LRP1B: variants seen among roughly 807,000 people sequenced by gnomAD.
LRP1B encodes LDL receptor related protein 1B.
A neutral mutation model predicts 556.6 loss-of-function variants in LRP1B; 217 were observed. The ratio of observed to expected loss-of-function variants is 0.39; its 90% CI spans 0.35 to 0.44. The LOEUF is 0.44. LRP1B is among the 20% of genes least tolerant of loss of function. The probability of loss-of-function intolerance (pLI) is 1.00; values close to 1 mark genes in which losing one functional copy is unlikely to be tolerated. For synonymous variants in LRP1B, 2,047 were observed against 1,865.8 expected (o/e 1.10, Z -2.50); for missense variants, 5,053 against 5,620.8 (o/e 0.90, Z 3.23).
chr2:140,653,906 T>C (rs1036640850), intron 41 of LRP1B, among the ~76,000 whole-genome samples: 12 of 150,696 alleles, frequency 8.0e-5, no homozygotes, highest in Non-Finnish European at 1.3e-4. Flanking sequence ...GCGCCTGTAA[T>C]CCCAGCTACT....
At chr2:140,462,213 A>G (rs1417950656) in intron 60 of LRP1B, among the ~76,000 whole-genome samples, 4 of 152,166 alleles carry the variant, frequency 2.6e-5, no homozygotes, top group African/African-American at 7.2e-5. Flanking sequence ...CCATTATCCC[A>G]AGTAAAGGCT....
chr2:141,535,078 T>A (rs1685023656), intron 2 of LRP1B, among the ~76,000 whole-genome samples: 1 of 152,174 alleles, frequency 6.6e-6, no homozygotes, highest in Admixed American at 6.5e-5. Context: ...GGCTGTGCAC[T>A]TCCCAATCAC....
At chr2:141,468,295 C>G (rs998509278) in intron 3 of LRP1B, among the ~76,000 whole-genome samples, 4 of 152,120 alleles carry the variant, frequency 2.6e-5, no homozygotes, top group Non-Finnish European at 5.9e-5. Context: ...AAGAGCATGA[C>G]TAGTGCAAAC....
At chr2:140,892,283 C>T (rs1023706980) in intron 23 of LRP1B, among the ~76,000 whole-genome samples, 3 of 151,822 alleles carry the variant, frequency 2.0e-5, no homozygotes, top group South Asian at 2.1e-4. Flanking sequence ...CAGAGGTCAC[C>T]GTGGATGAAG....
chr2:141,195,455 T>C (rs557537999), intron 6 of LRP1B, among the ~76,000 whole-genome samples: 5 of 152,272 alleles, frequency 3.3e-5, no homozygotes, highest in Admixed American at 3.3e-4. Flanking sequence ...TCTTTGCTGT[T>C]TTTAAAGTCA....
chr2:140,288,670 C>CT (rs1011545952), intron 84 of LRP1B, among the ~76,000 whole-genome samples: 2 of 151,766 alleles, frequency 1.3e-5, no homozygotes, highest in African/African-American at 4.8e-5. Context: ...ATGCAGTTTA[C>CT]TTAACACCAA....
chr2:141,488,521 C>T (rs903011340), intron 2 of LRP1B, among the ~76,000 whole-genome samples: 8 of 152,060 alleles, frequency 5.3e-5, no homozygotes, highest in Non-Finnish European at 7.4e-5. Context: ...TCTTTTGGCA[C>T]GAAAACAGAT....
intron 1 of LRP1B, among the ~76,000 whole-genome samples, chr2:142,047,702 T>C (rs1021580993): frequency 2.0e-5 from 3 of 151,850 alleles, no homozygotes; most frequent in Non-Finnish European, 4.4e-5. Context: ...GGCCTATGGA[T>C]TGTGAGTGGA....
chr2:140,527,836 G>A (rs1032001837), intron 47 of LRP1B, among the ~76,000 whole-genome samples: 7 of 151,784 alleles, frequency 4.6e-5, no homozygotes, highest in Non-Finnish European at 7.4e-5. Context: ...TGGCTTCACT[G>A]TCTACTAGTA....
chr2:141,339,929 C>A (rs768781723), intron 3 of LRP1B, among the ~76,000 whole-genome samples: 2 of 152,152 alleles, frequency 1.3e-5, no homozygotes, highest in East Asian at 3.9e-4. Flanking sequence ...CTTTCACCCC[C>A]CTCCAAACCT....
intron 1 of LRP1B, among the ~76,000 whole-genome samples, chr2:141,840,701 A>G (rs1174499563): frequency 6.6e-6 from 1 of 152,138 alleles, no homozygotes; most frequent in Non-Finnish European, 1.5e-5. Context: ...AGTGAATTCT[A>G]TAATAGGTTA....
chr2:141,353,528 A>C (rs964407212), intron 3 of LRP1B, among the ~76,000 whole-genome samples: 1 of 151,988 alleles, frequency 6.6e-6, no homozygotes, highest in Non-Finnish European at 1.5e-5. Context: ...ACATTAGCCA[A>C]GATTCTCAAT....
At chr2:141,613,199 T>C (rs868771303) in intron 2 of LRP1B, among the ~76,000 whole-genome samples, 6 of 152,126 alleles carry the variant, frequency 3.9e-5, no homozygotes, top group African/African-American at 1.4e-4. Flanking sequence ...CTTTTTTGTT[T>C]CTGCCTACCT....
chr2:140,694,675 CATTT>C, intron 41 of LRP1B, among the ~76,000 whole-genome samples: 1 of 152,228 alleles, frequency 6.6e-6, no homozygotes, highest in African/African-American at 2.4e-5. Context: ...CATTTGTCAA[CATTT>C]ATTAGCTAAA....
At chr2:141,994,726 C>A (rs1702440192) in intron 1 of LRP1B, among the ~76,000 whole-genome samples, 1 of 152,128 alleles carries the variant, frequency 6.6e-6, no homozygotes, top group South Asian at 2.1e-4. Flanking sequence ...TAAGCTAGTA[C>A]AATTAATTGC....
chr2:141,688,350 C>G (rs555929982), intron 2 of LRP1B, among the ~76,000 whole-genome samples: 2 of 151,874 alleles, frequency 1.3e-5, no homozygotes, highest in South Asian at 2.1e-4. Context: ...CCTATATGGA[C>G]TTACACATGT....
intron 7 of LRP1B, among the ~76,000 whole-genome samples, chr2:141,140,763 T>C (rs1701629796): frequency 6.6e-6 from 1 of 152,180 alleles, no homozygotes; most frequent in Admixed American, 6.5e-5. Flanking sequence ...GGTATTGTGT[T>C]ATAGCAGACT....
Position 140,816,973 on chromosome 2 carries a change from T to TA in LRP1B, c.5210-3168dup, listed in dbSNP as rs1316247472. ...ATCAGTTCTCTGTTGTGCTAATATT[T>TA]AAAAAAATGAATCACTAGGCAGTGA... On this transcript the variant is annotated intron_variant, in intron 31 of 90. Coordinates refer to ENST00000389484, the MANE Select transcript of LRP1B (RefSeq NM_018557.3). 5.3e-5 allele frequency among the ~76,000 whole-genome samples: 8 copies of TA among 152,166 alleles called. No homozygotes were observed. The East Asian group carries it at 9.7e-4, about 18-fold the overall frequency.
intron 86 of LRP1B, among the ~76,000 whole-genome samples, chr2:140,251,952 G>T (rs2104908010): frequency 6.8e-6 from 1 of 147,972 alleles, no homozygotes; most frequent in East Asian, 2.0e-4. Flanking sequence ...TTGGTGGTGA[G>T]CATATAAAAC....
Sources: allele counts gnomAD v4.1 joint callset (sites outside exome capture counted in the v4.1 genomes callset), GRCh38; gene constraint gnomAD v4.1.1; transcripts MANE v1.5; gene names NCBI Gene and HGNC (gene_info 2026-07-23, HGNC 2026-07-21).